The following MCM9 variants were observed in gnomAD, a reference collection of about 807,000 sequenced individuals.
The protein encoded by MCM9 is minichromosome maintenance 9 homologous recombination repair factor.
MCM9 carries 55 observed loss-of-function variants against 72.8 expected under a neutral mutation model. That is an observed-to-expected ratio of 0.76 (90% CI 0.61 to 0.95). The LOEUF is 0.95. MCM9 is among the 40% of genes least tolerant of loss of function. The pLI, the probability that MCM9 is intolerant of heterozygous loss-of-function variation, is 0.00. For missense variants in MCM9, 1,279 were observed against 1,377.0 expected, an observed-to-expected ratio of 0.93 and a Z score of 1.13; for synonymous variants, 480 against 503.4, an observed-to-expected ratio of 0.95 and a Z score of 0.62.
intron 8 of MCM9, chr6:118,894,585 G>A (rs1042490786): frequency 2.2e-6 from 3 of 1,380,048 alleles, no homozygotes; most frequent in Admixed American, 4.0e-5. Flanking sequence ...AAAGTTTCCC[G>A]GGCCGGGCCT....
intron 6 of MCM9, among the ~76,000 whole-genome samples, chr6:118,916,463 A>ATTATT (rs1266463517): frequency 1.4e-5 from 2 of 147,362 alleles, no homozygotes; most frequent in African/African-American, 4.9e-5. Flanking sequence ...TATTATTATT[A>ATTATT]TTATTATTAT....
intron 8 of MCM9, chr6:118,905,555 C>G (rs1780123845): frequency 1.1e-6 from 1 of 919,100 alleles, no homozygotes; most frequent in Admixed American, 2.7e-5. Flanking sequence ...CTTGTTGCAT[C>G]CTCAACTGAT....
chr6:118,911,127 G>A (rs1361268712), intron 8 of MCM9: 4 of 985,360 alleles, frequency 4.1e-6, no homozygotes, highest in Non-Finnish European at 4.8e-6. Flanking sequence ...AGGCTTTTAA[G>A]TGTACTTGCT....
chr6:118,825,635 C>A (rs1330633868), intron 13 of MCM9, among the ~76,000 whole-genome samples: 1 of 152,150 alleles, frequency 6.6e-6, no homozygotes, highest in Non-Finnish European at 1.5e-5. Flanking sequence ...CACGCAAAAC[C>A]TAGGTTTTTA....
chr6:118,915,116 C>G (rs1353655206), intron 6 of MCM9, among the ~76,000 whole-genome samples: 1 of 152,204 alleles, frequency 6.6e-6, no homozygotes, highest in Non-Finnish European at 1.5e-5. Flanking sequence ...ACACAAAAGA[C>G]TACAAAGGTA....
intron 1 of MCM9, among the ~76,000 whole-genome samples, chr6:118,933,438 G>A (rs1436496150): frequency 2.0e-5 from 3 of 151,708 alleles, no homozygotes; most frequent in African/African-American, 7.3e-5. Context: ...CCCGGGAGGC[G>A]GAGCTTGCAG....
At chr6:118,893,895 G>A (rs891528762) in intron 8 of MCM9, 6 of 373,758 alleles carry the variant, frequency 1.6e-5, no homozygotes, top group Admixed American at 6.6e-5. Flanking sequence ...GCCAACTGGA[G>A]GGGCGGGCGT....
intron 9 of MCM9, among the ~76,000 whole-genome samples, chr6:118,836,908 C>G (rs1774998993): frequency 6.6e-6 from 1 of 152,062 alleles, no homozygotes; most frequent in Admixed American, 6.6e-5. Flanking sequence ...GCTCTTGCTT[C>G]TCTAGTTCTT....
intron 8 of MCM9, among the ~76,000 whole-genome samples, chr6:118,909,974 A>G (rs1052649593): frequency 1.3e-5 from 2 of 152,010 alleles, no homozygotes; most frequent in African/African-American, 4.8e-5. Context: ...AAAATTAGCC[A>G]GGTGCGGTGG....
intron 8 of MCM9, among the ~76,000 whole-genome samples, chr6:118,884,213 T>C (rs1778461509): frequency 1.3e-5 from 2 of 152,162 alleles, no homozygotes; most frequent in Admixed American, 1.3e-4. Context: ...TCAAAAGGTA[T>C]AAAATTACAT....
At chr6:118,832,673 G>C (rs143758573) in intron 9 of MCM9, among the ~76,000 whole-genome samples, 1 of 152,172 alleles carries the variant, frequency 6.6e-6, no homozygotes, top group Non-Finnish European at 1.5e-5. Context: ...AAACACAGTA[G>C]TAACTGTTCT....
At chr6:118,922,565 G>A (rs1156449612) in intron 4 of MCM9, among the ~76,000 whole-genome samples, 1 of 152,186 alleles carries the variant, frequency 6.6e-6, no homozygotes, top group Non-Finnish European at 1.5e-5. Flanking sequence ...TCATATGATA[G>A]AACTCTGACC....
chr6:118,919,222 T>C (rs1781214964), intron 5 of MCM9: 1 of 152,200 alleles, frequency 6.6e-6, no homozygotes, highest in Non-Finnish European at 1.5e-5. Flanking sequence ...AATAATCTAA[T>C]GTCAATAAGC....
At position 118,814,997 on chromosome 6, in the gene MCM9, T is replaced by C. The variant is rs1437092700; in HGVS notation, c.3259A>G (p.Ser1087Gly). ...GGAGCTGTGGTTGTAGGAGGGGAGC[T>C]TGGGCCTCTCTCACCTCGGTTCTTC... is the stretch of plus-strand genomic sequence containing the variant. ...ERKNRGERGPSSPPTTTAPMR... is the reference protein window; with the variant it reads ...ERKNRGERGPGSPPTTTAPMR... Residue 1087 changes from serine (S) to glycine (G), a missense_variant, in exon 14 of 14, where the codon AGC (serine) becomes GGC (glycine). Coordinates refer to ENST00000619706, the MANE Select transcript of MCM9 (RefSeq NM_017696.3). 3.2e-6 allele frequency: 5 copies of C among 1,550,382 alleles called. No individual in the cohort carries two copies. Among genetic ancestry groups the C allele is most frequent in the Non-Finnish European group, 4.4e-6 (5 of 1,146,930 alleles).
intron 8 of MCM9, among the ~76,000 whole-genome samples, chr6:118,886,352 AAGAGAG>A (rs888227703): frequency 2.0e-5 from 3 of 151,384 alleles, no homozygotes; most frequent in South Asian, 2.1e-4. Context: ...AAAAAGAAAA[AAGAGAG>A]AGAGAGAGAG....
chr6:118,822,139 C>T (rs1401849603), intron 13 of MCM9, among the ~76,000 whole-genome samples: 6 of 152,206 alleles, frequency 3.9e-5, no homozygotes, highest in Admixed American at 1.3e-4. Flanking sequence ...ATTCGTCAAT[C>T]TCATTCTCTG....
intron 6 of MCM9, among the ~76,000 whole-genome samples, chr6:118,917,173 G>C (rs1466893925): frequency 1.3e-5 from 2 of 152,148 alleles, no homozygotes; most frequent in African/African-American, 4.8e-5. Context: ...CCAAAATAGT[G>C]TAGAGTTAGA....
At chr6:118,824,876 C>G (rs1774061436) in intron 13 of MCM9, among the ~76,000 whole-genome samples, 1 of 152,110 alleles carries the variant, frequency 6.6e-6, no homozygotes, top group Non-Finnish European at 1.5e-5. Context: ...GGATCAACAC[C>G]AGAACATGCC....
At chr6:118,869,480 T>C (rs1777440674) in intron 8 of MCM9, among the ~76,000 whole-genome samples, 1 of 149,710 alleles carries the variant, frequency 6.7e-6, no homozygotes, top group Non-Finnish European at 1.5e-5. Context: ...AGCCTCAGGG[T>C]AAACACAGAA....
Sources: allele counts gnomAD v4.1 joint callset (sites outside exome capture counted in the v4.1 genomes callset), GRCh38; gene constraint gnomAD v4.1.1; transcripts MANE v1.5; gene names NCBI Gene and HGNC (gene_info 2026-07-23, HGNC 2026-07-21).